Variants in IMMP2L observed in about 807,000 individuals in gnomAD.
IMMP2L encodes mitochondrial inner membrane protease subunit 2.
A neutral mutation model predicts 19.3 loss-of-function variants in IMMP2L; 18 were observed. The observed-to-expected ratio is 0.93, with a 90% CI of 0.64 to 1.38. The LOEUF (loss-of-function observed/expected upper bound fraction) is 1.38, where lower values mean the gene tolerates loss of function less well. Ranked by LOEUF, IMMP2L falls within the 40% of genes most tolerant of loss-of-function variation. The pLI, the probability that IMMP2L is intolerant of heterozygous loss-of-function variation, is 0.00. For missense variants in IMMP2L, 233 were observed against 218.2 expected (o/e 1.07, Z -0.43); for synonymous variants, 76 against 73.0 (o/e 1.04, Z -0.21).
At chr7:111,301,162 T>C (rs529357794) in intron 3 of IMMP2L, among the ~76,000 whole-genome samples, 2 of 152,274 alleles carry the variant, frequency 1.3e-5, no homozygotes, top group Admixed American at 1.3e-4. Flanking sequence ...TAATAACTTA[T>C]TGTGATTTTA....
intron 5 of IMMP2L, among the ~76,000 whole-genome samples, chr7:110,815,812 A>G (rs1802452922): frequency 6.6e-6 from 1 of 151,898 alleles, no homozygotes; most frequent in Non-Finnish European, 1.5e-5. Context: ...CGGTGGTGAT[A>G]TCCCCTTTAT....
At chr7:110,848,317 T>A (rs1805867742) in intron 5 of IMMP2L, among the ~76,000 whole-genome samples, 1 of 152,092 alleles carries the variant, frequency 6.6e-6, no homozygotes, top group Admixed American at 6.6e-5. Flanking sequence ...ACGTCCAACA[T>A]AATATAGCAT....
chr7:110,840,638 T>A (rs1193862287), intron 5 of IMMP2L, among the ~76,000 whole-genome samples: 2 of 152,158 alleles, frequency 1.3e-5, no homozygotes, highest in Non-Finnish European at 2.9e-5. Flanking sequence ...TATGATAGTA[T>A]GAAAGTGTAT....
intron 4 of IMMP2L, among the ~76,000 whole-genome samples, chr7:110,913,020 G>A (rs1033943610): frequency 2.6e-5 from 4 of 152,142 alleles, no homozygotes; most frequent in African/African-American, 7.2e-5. Flanking sequence ...TGAGTGAAGA[G>A]TAGTCAAGAA....
chr7:111,476,052 T>G (rs1841695362), intron 3 of IMMP2L, among the ~76,000 whole-genome samples: 1 of 152,158 alleles, frequency 6.6e-6, no homozygotes, highest in African/African-American at 2.4e-5. Flanking sequence ...TCCATTTTGA[T>G]CCCTAAAGCT....
chr7:110,722,495 A>C (rs922064265), intron 5 of IMMP2L, among the ~76,000 whole-genome samples: 1 of 152,128 alleles, frequency 6.6e-6, no homozygotes, highest in Non-Finnish European at 1.5e-5. Context: ...TCACTGTCAC[A>C]CTAGCTAATA....
At chr7:111,192,899 A>G (rs1373246214) in intron 3 of IMMP2L, among the ~76,000 whole-genome samples, 1 of 152,174 alleles carries the variant, frequency 6.6e-6, no homozygotes, top group Non-Finnish European at 1.5e-5. Context: ...GGAGGAGTTT[A>G]GAAAAATGAT....
chr7:111,175,265 G>C (rs534847906), intron 3 of IMMP2L, among the ~76,000 whole-genome samples: 21 of 151,910 alleles, frequency 1.4e-4, no homozygotes, highest in African/African-American at 4.8e-4. Context: ...CCCCATCTTA[G>C]CTTAGCCACA....
intron 5 of IMMP2L, among the ~76,000 whole-genome samples, chr7:110,834,921 G>A (rs1804301887): frequency 6.6e-6 from 1 of 152,102 alleles, no homozygotes; most frequent in South Asian, 2.1e-4. Flanking sequence ...AGGGGCCACA[G>A]GCCTGCCATG....
intron 3 of IMMP2L, among the ~76,000 whole-genome samples, chr7:111,478,101 C>T (rs1255137287): frequency 6.6e-6 from 1 of 152,214 alleles, no homozygotes; most frequent in East Asian, 1.9e-4. Flanking sequence ...TCTCCTGGGA[C>T]TCCAATTAGA....
chr7:111,473,545 A>G (rs1470383723), intron 3 of IMMP2L, among the ~76,000 whole-genome samples: 1 of 152,212 alleles, frequency 6.6e-6, no homozygotes, highest in African/African-American at 2.4e-5. Context: ...GTAATCCAGC[A>G]TGGAGCTACA....
intron 3 of IMMP2L, among the ~76,000 whole-genome samples, chr7:111,201,469 A>T (rs2129615495): frequency 6.6e-6 from 1 of 152,096 alleles, no homozygotes; most frequent in Non-Finnish European, 1.5e-5. Flanking sequence ...TAGTCCCAAC[A>T]CTTTGGGAGG....
rs566114510 is a variant in IMMP2L, at chr7:111,016,809, C to T, written c.240-53244G>A. ...TATACTATATAATATATAATATATA[C>T]TATATATTATATATAATATATAGTA... On this transcript the variant is annotated intron_variant, in intron 3 of 5. Coordinates refer to ENST00000405709, the MANE Select transcript of IMMP2L (RefSeq NM_032549.4). Among the ~76,000 whole-genome samples, 18 of 43,120 alleles carry T rather than the reference C, an allele frequency of 4.2e-4. No homozygotes were observed. In the South Asian group the frequency reaches 8.8e-3, roughly 21 times the overall value. 28.3% of individuals were successfully genotyped at this position (43,120 alleles called of 152,430 possible).
At chr7:111,053,038 T>C (rs1793142556) in intron 3 of IMMP2L, among the ~76,000 whole-genome samples, 1 of 152,174 alleles carries the variant, frequency 6.6e-6, no homozygotes, top group African/African-American at 2.4e-5. Flanking sequence ...ATTCTTGCCT[T>C]CTCAGAAGAA....
chr7:110,934,708 T>C (rs972850679), intron 4 of IMMP2L, among the ~76,000 whole-genome samples: 9 of 152,214 alleles, frequency 5.9e-5, no homozygotes, highest in African/African-American at 2.2e-4. Flanking sequence ...AAATTTAGGA[T>C]AGTTAGCTCT....
At chr7:111,045,157 C>G (rs1279439428) in intron 3 of IMMP2L, among the ~76,000 whole-genome samples, 3 of 152,158 alleles carry the variant, frequency 2.0e-5, no homozygotes, top group Admixed American at 6.5e-5. Context: ...ACAAAATTTG[C>G]GTCTCTGTAA....
At chr7:111,004,525 G>C in intron 3 of IMMP2L, among the ~76,000 whole-genome samples, 1 of 152,054 alleles carries the variant, frequency 6.6e-6, no homozygotes, top group East Asian at 1.9e-4. Context: ...CTGGATAAAT[G>C]TCAGTCAATG....
intron 1 of IMMP2L, among the ~76,000 whole-genome samples, chr7:111,531,707 T>C (rs1190333120): frequency 1.3e-5 from 2 of 152,178 alleles, no homozygotes; most frequent in African/African-American, 4.8e-5. Flanking sequence ...TATCATTAAG[T>C]AGAAGCTAAA....
chr7:111,170,388 C>T (rs754980051), intron 3 of IMMP2L, among the ~76,000 whole-genome samples: 1 of 151,814 alleles, frequency 6.6e-6, no homozygotes, highest in Non-Finnish European at 1.5e-5. Context: ...CCCTAGATCA[C>T]CACAGAAGGG....
Sources: allele counts gnomAD v4.1 joint callset (sites outside exome capture counted in the v4.1 genomes callset), GRCh38; gene constraint gnomAD v4.1.1; transcripts MANE v1.5; gene names NCBI Gene and HGNC (gene_info 2026-07-23, HGNC 2026-07-21).